The following C2CD3 variants were observed in gnomAD, a reference collection of about 807,000 sequenced individuals.
C2CD3 encodes C2 domain containing 3 centriole elongation regulator, also known as C2 domain-containing protein 3.
A neutral mutation model predicts 234.0 loss-of-function variants in C2CD3; 148 were observed. The observed-to-expected ratio is 0.63, with a 90% CI of 0.55 to 0.72. C2CD3 has a LOEUF of 0.72. C2CD3 is among the 30% of genes least tolerant of loss of function. C2CD3 has a pLI of 0.00. For missense variants in C2CD3, 2,577 were observed against 2,811.5 expected (o/e 0.92, Z 1.89); for synonymous variants, 1,000 against 1,035.4 (o/e 0.97, Z 0.66).
At position 74,103,400 on chromosome 11, in the gene C2CD3, G is replaced by T; in HGVS notation, c.2311C>A (p.Pro771Thr). The T allele has an allele frequency of 6.2e-7, 1 of 1,614,206 alleles. No individual in the cohort carries two copies. Among genetic ancestry groups the T allele is most frequent in the Non-Finnish European group, 8.5e-7 (1 of 1,180,042 alleles). ...QNLVLPNRKS[P>T]SPVAPHPSTF... Reference sequence around the variant, plus strand: ...GAAGGATGTGGTGCTACAGGGCTTGGTGACTTTCGGTTGGGGAGCACCAAG... The same window carrying T: ...GAAGGATGTGGTGCTACAGGGCTTGTTGACTTTCGGTTGGGGAGCACCAAG... The change falls in exon 14 of 33, where the codon CCA becomes ACA. Residue 771 changes from proline (P) to threonine (T), a missense_variant. Physicochemically the swap from Pro to Thr is conservative, Grantham distance 38. Transcript: ENST00000334126.
intron 15 of C2CD3, among the ~76,000 whole-genome samples, 182 bp from the exon 16 acceptor site, chr11:74,098,437 A>T (rs1014400410): frequency 6.6e-6 from 1 of 152,264 alleles, no homozygotes; most frequent in African/African-American, 2.4e-5. Context: ...CCAGGCAGAG[A>T]AGTTCAAAAT....
intron 25 of C2CD3, 39 bp from the exon 26 acceptor site, chr11:74,054,710 G>A (rs59587622): frequency 7.2e-7 from 1 of 1,388,622 alleles, no homozygotes; most frequent in Non-Finnish European, 1.0e-6. Flanking sequence ...AAATGTATAG[G>A]AACTTTCTGT....
Position 74,053,366 on chromosome 11 carries a change from C to T in C2CD3, c.5155+1241G>A, listed in dbSNP as rs115236254. Among the ~76,000 whole-genome samples the T allele has an allele frequency of 1.4e-3, 209 of 152,306 alleles. 1 individual carries two copies. Among genetic ancestry groups the T allele is most frequent in the African/African-American group, 4.9e-3 (203 of 41,550 alleles). On this transcript the variant is annotated intron_variant, in intron 26 of 32. Coordinates refer to ENST00000334126, the MANE Select transcript of C2CD3 (RefSeq NM_001286577.2). Reference sequence around the variant, plus strand: ...CTCCAAAAACCCTATGAAGTAGGTACTATTATTAGCCTCAATTTTATAGAT... The same window carrying T: ...CTCCAAAAACCCTATGAAGTAGGTATTATTATTAGCCTCAATTTTATAGAT...
chr11:74,061,942 T>C (rs1181182366), intron 24 of C2CD3, among the ~76,000 whole-genome samples: 4 of 150,132 alleles, frequency 2.7e-5, no homozygotes, highest in Non-Finnish European at 5.9e-5. Context: ...ACCAAGCAAA[T>C]GGAAAACAAA....
chr11:74,141,538 C>T (rs1468709588), intron 3 of C2CD3, among the ~76,000 whole-genome samples: 1 of 152,176 alleles, frequency 6.6e-6, no homozygotes, highest in Non-Finnish European at 1.5e-5. Flanking sequence ...TTTGCTTTAA[C>T]TCATAGGCCT....
chr11:74,071,823 T>C (rs556175785), intron 24 of C2CD3, among the ~76,000 whole-genome samples: 10 of 152,312 alleles, frequency 6.6e-5, no homozygotes, highest in Non-Finnish European at 1.5e-4. Flanking sequence ...AAGACTAGAA[T>C]AGAACTCAGC....
intron 22 of C2CD3, among the ~76,000 whole-genome samples, chr11:74,080,450 A>AC (rs950984151): frequency 2.6e-5 from 4 of 152,036 alleles, no homozygotes; most frequent in African/African-American, 9.7e-5. Flanking sequence ...TTGGTCACAG[A>AC]CCCTTTTGGC....
At chr11:74,128,243 CTTAA>C (rs927710386) in intron 7 of C2CD3, among the ~76,000 whole-genome samples, 2 of 152,096 alleles carry the variant, frequency 1.3e-5, no homozygotes, top group African/African-American at 4.8e-5. Flanking sequence ...TTATTTGTTC[CTTAA>C]TTATTAAGTC....
chr11:74,109,426 G>T (rs1336220957), intron 11 of C2CD3: 5 of 324,308 alleles, frequency 1.5e-5, no homozygotes, highest in Admixed American at 1.5e-4. Context: ...TACTGGATGT[G>T]TAAGGAGACA....
Position 74,095,299 on chromosome 11 carries a change from TA to T in C2CD3, c.3088del (p.Tyr1030MetfsTer16). On this transcript the variant is annotated frameshift_variant, in exon 17 of 33. Coordinates refer to ENST00000334126, the MANE Select transcript of C2CD3 (RefSeq NM_001286577.2). LOFTEE classifies it high-confidence loss of function. Reference sequence around the variant, plus strand: ...TTGAACTGGAAAGTAGTACTGGACATAACAATCTGCTTCTCCCCAGACTGTT... The same window carrying T: ...TTGAACTGGAAAGTAGTACTGGACATACAATCTGCTTCTCCCCAGACTGTT... ...QATVWGEADC[Y>X]VQYYFPVQHS... is the part of the protein sequence containing the mutation. 6.2e-7 allele frequency: 1 copy of T among 1,613,804 alleles called. No homozygotes were observed. Among genetic ancestry groups the T allele is most frequent in the Admixed American group, 1.7e-5 (1 of 60,014 alleles).
intron 1 of C2CD3, 102 bp from the exon 2 acceptor site, chr11:74,168,715 G>C: frequency 9.3e-7 from 1 of 1,074,806 alleles, no homozygotes; most frequent in Non-Finnish European, 1.3e-6. Context: ...TTAGTCTTAA[G>C]TTCAGCAATT....
chr11:74,139,890 T>A (rs1957991415), intron 3 of C2CD3, 62 bp from the exon 4 acceptor site: 6 of 931,338 alleles, frequency 6.4e-6, no homozygotes, highest in Admixed American at 5.2e-5. Flanking sequence ...ATTTTAAGAC[T>A]CCCCTGCTTA....
intron 14 of C2CD3, 56 bp downstream of exon 14, chr11:74,103,075 G>A (rs1414421301): frequency 6.1e-6 from 9 of 1,470,166 alleles, no homozygotes; most frequent in Non-Finnish European, 7.4e-6. Context: ...TAATTTGGGA[G>A]GCATTTGTCT....
intron 3 of C2CD3, among the ~76,000 whole-genome samples, chr11:74,149,170 T>C (rs1855427724): frequency 6.6e-6 from 1 of 152,192 alleles, no homozygotes; most frequent in Admixed American, 6.5e-5. Context: ...TTTAGCTCTC[T>C]CCCACATCCA....
intron 24 of C2CD3, among the ~76,000 whole-genome samples, chr11:74,066,372 A>G (rs1434571558): frequency 6.6e-6 from 1 of 151,716 alleles, no homozygotes; most frequent in Admixed American, 6.6e-5. Flanking sequence ...ATCTGCACAC[A>G]TATGTAACAA....
chr11:74,035,227 G>T (rs1391674620), intron 30 of C2CD3, among the ~76,000 whole-genome samples: 1 of 152,210 alleles, frequency 6.6e-6, no homozygotes, highest in African/African-American at 2.4e-5. Flanking sequence ...AAAGGAATGG[G>T]TAGATAGACG....
In C2CD3 at chr11:74,170,901, C is replaced by T; in HGVS notation, c.-109G>A. ...CTGCGTTCCCCGGCAACCGGCGCCG[C>T]TGGGCAGCCTGGGAGGCAGGAAAAA... On this transcript the variant is annotated 5_prime_UTR_variant, in exon 1 of 33. Transcript: ENST00000334126. The T allele has an allele frequency of 1.3e-6, 2 of 1,497,986 alleles. No homozygotes were observed. Among genetic ancestry groups the T allele is most frequent in the African/African-American group, 1.4e-5 (1 of 71,078 alleles). The allele number at this position is 1,497,986 out of a possible 1,614,324, so 92.8% of individuals were successfully genotyped here. A position where few individuals can be genotyped will look rare whatever the true frequency, so the allele number is the denominator to read the frequency against.
intron 8 of C2CD3, among the ~76,000 whole-genome samples, chr11:74,122,159 T>C (rs1249846572): frequency 6.6e-6 from 1 of 152,226 alleles, no homozygotes; most frequent in Non-Finnish European, 1.5e-5. Context: ...GGGTCCCTTG[T>C]AGCGCAAAAA....
At chr11:74,113,602 C>T in intron 11 of C2CD3, 178 bp downstream of exon 11, 3 of 598,062 alleles carry the variant, frequency 5.0e-6, no homozygotes, top group Non-Finnish European at 9.1e-6. Context: ...ATCACTTGAA[C>T]CCGGGAGGTG....
Sources: gnomAD v4.1 joint callset for allele counts (sites outside exome capture counted in the v4.1 genomes callset) on GRCh38, gnomAD v4.1.1 for gene constraint, MANE v1.5 for transcripts, NCBI Gene and HGNC (gene_info 2026-07-23, HGNC 2026-07-21) for gene names.